Variants in GLRA3 observed in about 807,000 individuals in gnomAD.
GLRA3 encodes the protein glycine receptor alpha 3.
GLRA3 carries 44 observed loss-of-function variants against 60.4 expected under a neutral mutation model. The observed-to-expected ratio is 0.73, with a 90% CI of 0.57 to 0.94. GLRA3 has a LOEUF of 0.94. Ranked by LOEUF, GLRA3 falls within the 40% of genes least tolerant of loss-of-function variation. The pLI is 0.00. For synonymous variants in GLRA3, 223 were observed against 192.9 expected, an observed-to-expected ratio of 1.16 and a Z score of -1.29; for missense variants, 508 against 564.6, an observed-to-expected ratio of 0.90 and a Z score of 1.02.
At chr4:174,669,816 T>A (rs1212882364) in intron 7 of GLRA3, among the ~76,000 whole-genome samples, 1 of 152,164 alleles carries the variant, frequency 6.6e-6, no homozygotes, top group Non-Finnish European at 1.5e-5. Context: ...CCTCAAGCGA[T>A]CCTCCCACCT....
chr4:174,679,879 T>C (rs1734276003), intron 6 of GLRA3, among the ~76,000 whole-genome samples: 1 of 152,016 alleles, frequency 6.6e-6, no homozygotes, highest in South Asian at 2.1e-4. Flanking sequence ...GGTGAAGAGG[T>C]TGGTGAGTGG....
At chr4:174,799,802 A>G (rs1739736322) in intron 1 of GLRA3, among the ~76,000 whole-genome samples, 1 of 152,176 alleles carries the variant, frequency 6.6e-6, no homozygotes, top group Non-Finnish European at 1.5e-5. Flanking sequence ...CTAAACCTCA[A>G]ATTTTATCTG....
At position 174,656,673 on chromosome 4, in the gene GLRA3, T is replaced by C. The variant is rs116039129; in HGVS notation, c.1116+70A>G. On this transcript the variant is annotated intron_variant, in intron 9 of 9. Coordinates refer to ENST00000274093, the MANE Select transcript of GLRA3 (RefSeq NM_006529.4). ...TCCCCACCAAACACTGCCTTGGTAG[T>C]GCAGAATATGCTGTCTGCTTTTTAC... is the stretch of plus-strand genomic sequence containing the variant. The C allele has an allele frequency of 2.0e-3, 1,641 of 822,262 alleles. 17 individuals are homozygous for C. The African/African-American group carries it at 0.024, about 12-fold the overall frequency. The allele number at this position is 822,262 out of a possible 1,614,324, so 50.9% of individuals were successfully genotyped here.
intron 5 of GLRA3, among the ~76,000 whole-genome samples, chr4:174,706,157 GA>G: frequency 6.6e-6 from 1 of 152,124 alleles, no homozygotes; most frequent in Non-Finnish European, 1.5e-5. Context: ...GTGAACCCGG[GA>G]GGCAGAGCTT....
At chr4:174,718,959 CTTTTTTTT>C (rs10656765) in intron 4 of GLRA3, among the ~76,000 whole-genome samples, 1 of 81,082 alleles carries the variant, frequency 1.2e-5, no homozygotes, top group African/African-American at 4.9e-5. Flanking sequence ...AGATTTCGTG[CTTTTTTTT>C]TTTTTTTTTT....
intron 9 of GLRA3, among the ~76,000 whole-genome samples, chr4:174,653,870 T>A (rs1733105522): frequency 6.6e-6 from 1 of 152,054 alleles, no homozygotes; most frequent in Admixed American, 6.6e-5. Context: ...CTGAACAGAT[T>A]TTCAGAGAAT....
At chr4:174,751,264 G>A (rs1371354007) in intron 3 of GLRA3, among the ~76,000 whole-genome samples, 1 of 152,006 alleles carries the variant, frequency 6.6e-6, no homozygotes. Context: ...CATCGAAGGA[G>A]ACATCAAGAA....
intron 3 of GLRA3, among the ~76,000 whole-genome samples, chr4:174,746,196 C>T (rs561251066): frequency 5.9e-5 from 9 of 152,196 alleles, no homozygotes; most frequent in African/African-American, 1.9e-4. Context: ...TGCACTTGTA[C>T]GTTTATCACA....
intron 4 of GLRA3, among the ~76,000 whole-genome samples, 170 bp downstream of exon 4, chr4:174,728,298 AACTTGGG>A (rs2111131885): frequency 6.6e-6 from 1 of 152,296 alleles, no homozygotes; most frequent in South Asian, 2.1e-4. Flanking sequence ...CTGAATCTGG[AACTTGGG>A]TCTGTTATTA....
chr4:174,646,315 A>G (rs1732811325), intron 9 of GLRA3, among the ~76,000 whole-genome samples: 1 of 152,348 alleles, frequency 6.6e-6, no homozygotes, highest in African/African-American at 2.4e-5. Context: ...TTAACATATT[A>G]GTGAGCAACC....
intron 5 of GLRA3, among the ~76,000 whole-genome samples, chr4:174,714,434 C>T (rs1196978877): frequency 6.6e-6 from 1 of 152,238 alleles, no homozygotes; most frequent in South Asian, 2.1e-4. Flanking sequence ...GTACTTTATC[C>T]ATATGTATGC....
intron 3 of GLRA3, among the ~76,000 whole-genome samples, chr4:174,751,048 A>G (rs995324457): frequency 2.8e-5 from 4 of 144,150 alleles, no homozygotes; most frequent in Non-Finnish European, 6.0e-5. Context: ...AAAAAAGAGA[A>G]GCCTGTCTGT....
Position 174,642,386 on chromosome 4 carries a change from G to C in GLRA3, c.*1400C>G, listed in dbSNP as rs1421238508. On this transcript the variant is annotated 3_prime_UTR_variant, in exon 10 of 10. Transcript: ENST00000274093. ...TTTGGTGGACTGAGTTTGTGCATCT[G>C]ACCAATAATTAAAATACCTAAAAAG... The C allele has an allele frequency of 1.0e-6, 1 of 968,536 alleles. No homozygotes were observed. Among genetic ancestry groups the C allele is most frequent in the Non-Finnish European group, 1.2e-6 (1 of 814,922 alleles). 60.0% of individuals were successfully genotyped at this position (968,536 alleles called of 1,614,324 possible). A position where few individuals can be genotyped will look rare whatever the true frequency, so the allele number is the denominator to read the frequency against.
At chr4:174,743,346 T>A (rs1737098871) in intron 3 of GLRA3, among the ~76,000 whole-genome samples, 1 of 152,190 alleles carries the variant, frequency 6.6e-6, no homozygotes, top group South Asian at 2.1e-4. Flanking sequence ...ACATTGCATT[T>A]AGCTTTTAAC....
In GLRA3 at chr4:174,780,134, C is replaced by T. The variant is rs1170187234; in HGVS notation, c.199+8682G>A. On this transcript the variant is annotated intron_variant, in intron 2 of 9. Transcript: ENST00000274093. ...GATCTCTCAGCAGAAACCCTACAAGCCAGAAGAGAGTGGGGGCCAATATTC... is the reference window on the plus strand; with the variant it reads ...GATCTCTCAGCAGAAACCCTACAAGTCAGAAGAGAGTGGGGGCCAATATTC... Among the ~76,000 whole-genome samples the T allele has an allele frequency of 2.1e-3, 319 of 149,294 alleles. 1 individual carries two copies. The highest frequency in any genetic ancestry group is 7.6e-3 in the African/African-American group (306 of 40,454).
intron 1 of GLRA3, among the ~76,000 whole-genome samples, chr4:174,810,221 G>A (rs980308292): frequency 6.6e-6 from 1 of 152,032 alleles, no homozygotes; most frequent in Non-Finnish European, 1.5e-5. Flanking sequence ...GAAGAACAGA[G>A]CAAAGGACAA....
At chr4:174,712,269 C>T (rs1291484428) in intron 5 of GLRA3, among the ~76,000 whole-genome samples, 1 of 152,030 alleles carries the variant, frequency 6.6e-6, no homozygotes, top group Non-Finnish European at 1.5e-5. Context: ...TCACTTTCTC[C>T]TTTGTTTTAA....
At chr4:174,810,403 A>G (rs961054551) in intron 1 of GLRA3, among the ~76,000 whole-genome samples, 11 of 152,012 alleles carry the variant, frequency 7.2e-5, no homozygotes, top group Non-Finnish European at 1.2e-4. Flanking sequence ...ATGGATAAGT[A>G]GTATTAATCC....
At chr4:174,651,058 C>T (rs760601853) in intron 9 of GLRA3, among the ~76,000 whole-genome samples, 4 of 152,098 alleles carry the variant, frequency 2.6e-5, no homozygotes, top group African/African-American at 9.7e-5. Flanking sequence ...GTTTTGTTTA[C>T]GTTGTAACAA....
Sources: allele counts gnomAD v4.1 joint callset (sites outside exome capture counted in the v4.1 genomes callset), GRCh38; gene constraint gnomAD v4.1.1; transcripts MANE v1.5; gene names NCBI Gene and HGNC (gene_info 2026-07-23, HGNC 2026-07-21).